ARF5: variants seen among roughly 807,000 people sequenced by gnomAD.
ARF5 encodes the protein ARF GTPase 5.
A neutral mutation model predicts 24.8 loss-of-function variants in ARF5; 10 were observed. That is an observed-to-expected ratio of 0.40 (90% CI 0.25 to 0.68). The LOEUF (loss-of-function observed/expected upper bound fraction) is 0.68, where lower values mean the gene tolerates loss of function less well. Among genes scored for constraint, ARF5 ranks in the 30% least tolerant of loss-of-function variants. The pLI, the probability that ARF5 is intolerant of heterozygous loss-of-function variation, is 0.36. For missense variants in ARF5, 135 were observed against 239.2 expected (o/e 0.56, Z 2.87); for synonymous variants, 102 against 95.1 (o/e 1.07, Z -0.42).
chr7:127,590,389 A>G (rs968794065), intron 4 of ARF5, among the ~76,000 whole-genome samples: 14 of 151,374 alleles, frequency 9.2e-5, no homozygotes, highest in African/African-American at 2.4e-4. Flanking sequence ...CTGGAGTGCA[A>G]TGGTGCAATC....
At chr7:127,590,701 G>GA (rs1368758908) in intron 4 of ARF5, among the ~76,000 whole-genome samples, 2 of 152,228 alleles carry the variant, frequency 1.3e-5, no homozygotes, top group African/African-American at 4.8e-5. Flanking sequence ...GTGGCAAAGA[G>GA]AAACATTTTA....
At position 127,591,555 on chromosome 7, in the gene ARF5, A is replaced by G; in HGVS notation, c.*256A>G. ...CTTCCTGGCCAAGGCCCCCTCTTCC[A>G]GAGGAGGAGCAGGGATCTGGGTTTC... On this transcript the variant is annotated 3_prime_UTR_variant, in exon 6 of 6. Transcript: ENST00000000233. The G allele has an allele frequency of 2.1e-6, 1 of 467,176 alleles. No individual in the cohort carries two copies. Among genetic ancestry groups the G allele is most frequent in the Non-Finnish European group, 3.7e-6 (1 of 266,762 alleles). The allele number at this position is 467,176 out of a possible 1,614,324, so 28.9% of individuals were successfully genotyped here.
intron 5 of ARF5, 62 bp downstream of exon 5, chr7:127,591,150 A>G: frequency 6.2e-7 from 1 of 1,607,632 alleles, no homozygotes; most frequent in South Asian, 1.1e-5. Flanking sequence ...AGGCTGGGAC[A>G]GAGATATAAA....
chr7:127,591,372 C>T lies in ARF5; in HGVS notation c.*73C>T. ...CCGGGATGACCAGACTCCCGGACTC[C>T]TCAGGCAGTGCCCTTTCCTCCCACT... On this transcript the variant is annotated 3_prime_UTR_variant, in exon 6 of 6. Transcript: ENST00000000233. 2.3e-6 allele frequency: 3 copies of T among 1,330,818 alleles called. No homozygotes were observed. Among genetic ancestry groups the T allele is most frequent in the Non-Finnish European group, 3.0e-6 (3 of 985,070 alleles). 82.4% of individuals were successfully genotyped at this position (1,330,818 alleles called of 1,614,324 possible). A position where few individuals can be genotyped will look rare whatever the true frequency, so the allele number is the denominator to read the frequency against.
At chr7:127,588,887 C>G (rs1460536653) in intron 1 of ARF5, 196 bp from the exon 2 acceptor site, 5 of 656,128 alleles carry the variant, frequency 7.6e-6, no homozygotes, top group Non-Finnish European at 1.0e-5. Context: ...AGTCCTCTCC[C>G]GCTCCGCGCC....
intron 3 of ARF5, 95 bp from the exon 4 acceptor site, chr7:127,589,971 A>G (rs1794259759): frequency 1.8e-6 from 2 of 1,102,358 alleles, no homozygotes; most frequent in Non-Finnish European, 2.8e-6. Context: ...AAGGATTGAC[A>G]CAATTACAAA....
chr7:127,588,504 C>T lies in ARF5; in HGVS notation c.6C>T (p.Gly2=). The T allele has an allele frequency of 6.8e-7, 1 of 1,470,952 alleles. No homozygotes were observed. The highest frequency in any genetic ancestry group is 2.8e-5 in the East Asian group (1 of 35,330). The allele number at this position is 1,470,952 out of a possible 1,614,324, so 91.1% of individuals were successfully genotyped here. A position where few individuals can be genotyped will look rare whatever the true frequency, so the allele number is the denominator to read the frequency against. The stretch of plus-strand genomic sequence containing the variant: ...GCCCCTCCCCGGGCCCCGCCATGGG[C>T]CTCACCGTGTCCGCGCTCTTTTCGC... M[G]LTVSALFSRI... Residue 2 remains glycine, a synonymous_variant, in exon 1 of 6, where the codon GGC becomes GGT. Coordinates refer to ENST00000000233, the MANE Select transcript of ARF5 (RefSeq NM_001662.4).
chr7:127,590,110 A>G lies in ARF5; in HGVS notation c.303A>G (p.Gln101=). 1 of 1,614,020 alleles carries G rather than the reference A, an allele frequency of 6.2e-7. No individual in the cohort carries two copies. Among genetic ancestry groups the G allele is most frequent in the Non-Finnish European group, 8.5e-7 (1 of 1,179,954 alleles). The stretch of plus-strand genomic sequence containing the variant: ...ACAGTAATGACCGGGAGCGGGTCCA[A>G]GAATCTGCTGATGAACTCCAGAAGA... ...VVDSNDRERV[Q]ESADELQKML... Residue 101 remains glutamine, a synonymous_variant, in exon 4 of 6, where the codon CAA becomes CAG. Coordinates refer to ENST00000000233, the MANE Select transcript of ARF5 (RefSeq NM_001662.4).
At chr7:127,588,594 C>G (rs767877265) in intron 1 of ARF5, 29 bp downstream of exon 1, 10 of 1,331,858 alleles carry the variant, frequency 7.5e-6, no homozygotes, top group Admixed American at 3.6e-5. Flanking sequence ...GCGGCCCGGA[C>G]CGGGGCGCCG....
chr7:127,590,335 C>CT lies in ARF5; in HGVS notation c.330+211dup, dbSNP rs1053092786. On this transcript the variant is annotated intron_variant, in intron 4 of 5. Coordinates refer to ENST00000000233, the MANE Select transcript of ARF5 (RefSeq NM_001662.4). ...TCACTTTTTCTGTGCATTGTCTTGT[C>CT]TTTTTTTTTTTTTGAAATGGGAGTT... 5.8e-3 allele frequency among the ~76,000 whole-genome samples: 832 copies of CT among 144,668 alleles called. 6 individuals are homozygous for CT. Among genetic ancestry groups the CT allele is most frequent in the African/African-American group, 0.017 (665 of 39,736 alleles). 94.9% of individuals were successfully genotyped at this position (144,668 alleles called of 152,430 possible).
At chr7:127,589,370 C>A in intron 2 of ARF5, 115 bp from the exon 3 acceptor site, 1 of 1,110,226 alleles carries the variant, frequency 9.0e-7, no homozygotes, top group Non-Finnish European at 1.4e-6. Context: ...GGGTTCTGTT[C>A]CCCTGGGCCT....
At chr7:127,588,824 T>C (rs921211159) in intron 1 of ARF5, 51 of 575,734 alleles carry the variant, frequency 8.9e-5, no homozygotes. Context: ...ATTCCGCCCT[T>C]GGAGACGACT....
At chr7:127,589,957 T>G in intron 3 of ARF5, 109 bp from the exon 4 acceptor site, 8 of 986,642 alleles carry the variant, frequency 8.1e-6, no homozygotes, top group Non-Finnish European at 1.3e-5. Flanking sequence ...GTTTACTAGA[T>G]GAGAAGGATT....
At chr7:127,589,749 A>T (rs1794256946) in intron 3 of ARF5, 155 bp downstream of exon 3, 1 of 638,240 alleles carries the variant, frequency 1.6e-6, no homozygotes, top group Non-Finnish European at 2.7e-6. Flanking sequence ...CACTCTTCAG[A>T]ACTCACCTTA....
chr7:127,588,935 A>G, intron 1 of ARF5, 148 bp from the exon 2 acceptor site: 1 of 884,624 alleles, frequency 1.1e-6, no homozygotes, highest in East Asian at 2.6e-5. Context: ...ACTGCCCTCC[A>G]GGCCTCAAAG....
Position 127,590,151 on chromosome 7 carries a change from G to T in ARF5, c.330+14G>T. ...CTCCAGAAGATGGTGAGTACCCAGA[G>T]CCCTGGGAACTGAGCCCTCAGCTTG... On this transcript the variant is annotated intron_variant, in intron 4 of 5. Coordinates refer to ENST00000000233, the MANE Select transcript of ARF5 (RefSeq NM_001662.4). 1.2e-6 allele frequency: 2 copies of T among 1,612,300 alleles called. No individual in the cohort carries two copies. Among genetic ancestry groups the T allele is most frequent in the Non-Finnish European group, 1.7e-6 (2 of 1,178,466 alleles).
intron 4 of ARF5, among the ~76,000 whole-genome samples, 179 bp downstream of exon 4, chr7:127,590,316 T>C (rs550849816): frequency 4.1e-4 from 62 of 152,298 alleles, no homozygotes; most frequent in African/African-American, 1.4e-3. Flanking sequence ...TTTTTCACTT[T>C]TTCTGTGCAT....
chr7:127,591,095 G>T lies in ARF5; in HGVS notation c.456+7G>T. On this transcript the variant is annotated splice_region_variant and intron_variant, in intron 5 of 5. Coordinates refer to ENST00000000233, the MANE Select transcript of ARF5 (RefSeq NM_001662.4). ...GCACTTACGCAGCCGCACGGTAGGGGTCCTGCCCACCTGGTGCTGAATCCT... is the reference window on the plus strand; with the variant it reads ...GCACTTACGCAGCCGCACGGTAGGGTTCCTGCCCACCTGGTGCTGAATCCT... The T allele has an allele frequency of 6.2e-7, 1 of 1,613,778 alleles. No homozygotes were observed. Among genetic ancestry groups the T allele is most frequent in the Non-Finnish European group, 8.5e-7 (1 of 1,179,874 alleles).
At position 127,589,066 on chromosome 7, in the gene ARF5, G is replaced by A. The variant is rs1289498812; in HGVS notation, c.68-17G>A. On this transcript the variant is annotated splice_polypyrimidine_tract_variant and intron_variant, in intron 1 of 5. Transcript: ENST00000000233. ...CCCTCGCTCCCATCTCCATCCCTGT[G>A]CCCCTTTCCGTTGCAGTTGGCTTGG... 2.5e-6 allele frequency: 4 copies of A among 1,613,948 alleles called. No homozygotes were observed. Among genetic ancestry groups the A allele is most frequent in the South Asian group, 1.1e-5 (1 of 91,086 alleles).
Sources: gnomAD v4.1 joint callset for allele counts (sites outside exome capture counted in the v4.1 genomes callset) on GRCh38, gnomAD v4.1.1 for gene constraint, MANE v1.5 for transcripts, NCBI Gene and HGNC (gene_info 2026-07-23, HGNC 2026-07-21) for gene names.